Variants in RALGAPB observed in about 807,000 individuals in gnomAD.
RALGAPB encodes the protein Ral GTPase activating protein non-catalytic subunit beta, also known as ral GTPase-activating protein subunit beta.
In RALGAPB, 25 loss-of-function variants were observed where a neutral mutation model predicts 161.1. The observed-to-expected ratio is 0.16, with a 90% CI of 0.11 to 0.22. RALGAPB has a LOEUF of 0.22. Ranked by LOEUF, RALGAPB falls within the 10% of genes least tolerant of loss-of-function variation. The pLI is 1.00. For synonymous variants in RALGAPB, 629 were observed against 626.1 expected (o/e 1.00, Z -0.07); for missense variants, 1,391 against 1,815.2 (o/e 0.77, Z 4.25).
At chr20:38,549,282 C>T (rs2145427501) in intron 20 of RALGAPB, among the ~76,000 whole-genome samples, 1 of 151,846 alleles carries the variant, frequency 6.6e-6, no homozygotes, top group East Asian at 1.9e-4. Context: ...GACTGGAGTG[C>T]AGTGGTGTAA....
At chr20:38,516,665 GA>G (rs1180241165) in intron 7 of RALGAPB, 3 of 256,410 alleles carry the variant, frequency 1.2e-5, no homozygotes, top group Non-Finnish European at 2.2e-5. Context: ...CTAAGAACAA[GA>G]ATTAGGCCTA....
chr20:38,558,246 C>T (rs1002233469), intron 22 of RALGAPB, 49 bp from the exon 23 acceptor site: 11 of 1,382,420 alleles, frequency 8.0e-6, no homozygotes, highest in Non-Finnish European at 1.1e-5. Context: ...ATAATTATAA[C>T]AATGAAAGAA....
Position 38,562,640 on chromosome 20 carries a change from C to G in RALGAPB, c.3640C>G (p.His1214Asp). 1 of 1,613,868 alleles carries G rather than the reference C, an allele frequency of 6.2e-7. No individual in the cohort carries two copies. Among genetic ancestry groups the G allele is most frequent in the Non-Finnish European group, 8.5e-7 (1 of 1,179,900 alleles). The change falls in exon 24 of 30, where the codon CAT becomes GAT. Residue 1214 changes from histidine (H) to aspartate (D), a missense_variant. His to Asp is a moderately conservative substitution (Grantham distance 81). Around this residue, in one of 3 missense-constraint regions of RALGAPB, gnomAD observed 436 missense variants for 527.0 expected, o/e 0.83. Coordinates refer to ENST00000262879, the MANE Select transcript of RALGAPB (RefSeq NM_020336.4). Reference sequence around the variant, plus strand: ...GGGCAGACACCCTGGTTGGACTGGGCATGTTTCTACCAGTTGGTCTATTAA... The same window carrying G: ...GGGCAGACACCCTGGTTGGACTGGGGATGTTTCTACCAGTTGGTCTATTAA... ...DVGRHPGWTG[H>D]VSTSWSINCC...
chr20:38,550,445 A>G (rs1041561536), intron 20 of RALGAPB, among the ~76,000 whole-genome samples: 7 of 152,106 alleles, frequency 4.6e-5, no homozygotes, highest in Admixed American at 2.6e-4. Context: ...CCAGTCCTCC[A>G]TTTTTTTGGA....
chr20:38,492,250 T>C (rs1296093598), intron 2 of RALGAPB, among the ~76,000 whole-genome samples: 1 of 152,216 alleles, frequency 6.6e-6, no homozygotes, highest in African/African-American at 2.4e-5. Context: ...CAATTACGAC[T>C]GCCGGCAGCC....
intron 14 of RALGAPB, among the ~76,000 whole-genome samples, chr20:38,531,955 C>T (rs1332695036): frequency 2.6e-5 from 4 of 152,196 alleles, no homozygotes; most frequent in Admixed American, 2.0e-4. Flanking sequence ...CCTATACATA[C>T]GGGAGTTAAA....
intron 28 of RALGAPB, among the ~76,000 whole-genome samples, chr20:38,572,637 T>C (rs1268299696): frequency 6.6e-6 from 1 of 152,272 alleles, no homozygotes; most frequent in African/African-American, 2.4e-5. Context: ...TGATTTATTT[T>C]AGCATTATCA....
At chr20:38,478,607 A>ATTTAT (rs1377588464) in intron 1 of RALGAPB, among the ~76,000 whole-genome samples, 4 of 150,996 alleles carry the variant, frequency 2.6e-5, no homozygotes, top group Non-Finnish European at 4.4e-5. Flanking sequence ...TTTTATTATT[A>ATTTAT]TTTATTTTAT....
At chr20:38,538,728 A>G (rs1026889702) in intron 16 of RALGAPB, among the ~76,000 whole-genome samples, 33 of 152,214 alleles carry the variant, frequency 2.2e-4, no homozygotes, top group African/African-American at 7.2e-4. Context: ...ACCACTGCAA[A>G]TCTATTAGAA....
intron 28 of RALGAPB, 45 bp downstream of exon 28, chr20:38,570,892 C>A (rs1258272336): frequency 3.2e-6 from 4 of 1,238,274 alleles, no homozygotes; most frequent in Non-Finnish European, 1.2e-6. Flanking sequence ...CTTTTTTTAA[C>A]ATATTGATTG....
chr20:38,509,281 T>C, intron 6 of RALGAPB, 73 bp downstream of exon 6: 3 of 1,497,784 alleles, frequency 2.0e-6, no homozygotes, highest in Non-Finnish European at 2.8e-6. Context: ...GCTGTAAGTC[T>C]CTTGTTTGAA....
At chr20:38,528,168 G>A (rs2123162233) in intron 13 of RALGAPB, among the ~76,000 whole-genome samples, 1 of 152,186 alleles carries the variant, frequency 6.6e-6, no homozygotes, top group East Asian at 1.9e-4. Flanking sequence ...AGACAGTAAT[G>A]TTTGTTTTAT....
intron 6 of RALGAPB, among the ~76,000 whole-genome samples, chr20:38,515,982 A>C (rs1359522142): frequency 6.6e-6 from 1 of 152,194 alleles, no homozygotes; most frequent in South Asian, 2.1e-4. Flanking sequence ...TTTGATTCTC[A>C]TGCTTGGAGT....
chr20:38,534,675 T>A (rs2086751020), intron 15 of RALGAPB, among the ~76,000 whole-genome samples: 1 of 152,260 alleles, frequency 6.6e-6, no homozygotes, highest in African/African-American at 2.4e-5. Context: ...TCCTAGCATC[T>A]GAGGAGGCCG....
intron 5 of RALGAPB, among the ~76,000 whole-genome samples, chr20:38,502,163 C>A (rs950115257): frequency 6.6e-6 from 1 of 152,176 alleles, no homozygotes; most frequent in Non-Finnish European, 1.5e-5. Flanking sequence ...TAGCCACTTC[C>A]TGTTGCTATT....
At chr20:38,546,549 C>T in intron 19 of RALGAPB, 119 bp downstream of exon 19, 1 of 1,383,022 alleles carries the variant, frequency 7.2e-7, no homozygotes. Context: ...AGAAAGATTT[C>T]TAGCTGTGGG....
chr20:38,559,742 G>A (rs1033419416), intron 23 of RALGAPB, among the ~76,000 whole-genome samples: 1 of 152,158 alleles, frequency 6.6e-6, no homozygotes, highest in African/African-American at 2.4e-5. Flanking sequence ...CTGGATACGT[G>A]GAACAAAGAG....
At chr20:38,549,440 G>A (rs1280642383) in intron 20 of RALGAPB, among the ~76,000 whole-genome samples, 4 of 151,048 alleles carry the variant, frequency 2.6e-5, no homozygotes, top group Admixed American at 6.6e-5. Context: ...TGTTGCCCAG[G>A]CTGATCCCAA....
At chr20:38,517,447 C>G in intron 7 of RALGAPB, 59 bp from the exon 8 acceptor site, 1 of 1,482,118 alleles carries the variant, frequency 6.7e-7, no homozygotes, top group Non-Finnish European at 9.0e-7. Context: ...GAGAAATTTT[C>G]TGATCATATA....
Sources: gnomAD v4.1 joint callset for allele counts (sites outside exome capture counted in the v4.1 genomes callset) on GRCh38, gnomAD v4.1.1 for gene constraint, gnomAD v4.1.1 regional missense constraint, MANE v1.5 for transcripts, NCBI Gene and HGNC (gene_info 2026-07-23, HGNC 2026-07-21) for gene names.